Variants in RAPGEF1 observed in about 807,000 individuals in gnomAD.
The protein encoded by RAPGEF1 is CRK SH3-binding GNRP.
Under a neutral mutation model 143.3 loss-of-function variants are expected in RAPGEF1, and 33 were observed. That is an observed-to-expected ratio of 0.23 (90% CI 0.17 to 0.31). The LOEUF is 0.31. RAPGEF1 is among the 10% of genes least tolerant of loss of function. RAPGEF1 has a pLI of 1.00. For missense variants in RAPGEF1, 1,199 were observed against 1,645.4 expected, an observed-to-expected ratio of 0.73 and a Z score of 4.69; for synonymous variants, 629 against 676.5, an observed-to-expected ratio of 0.93 and a Z score of 1.09.
At chr9:131,648,272 T>C (rs961809314) in intron 3 of RAPGEF1, among the ~76,000 whole-genome samples, 4 of 152,130 alleles carry the variant, frequency 2.6e-5, no homozygotes, top group African/African-American at 9.7e-5. Flanking sequence ...ACGCCTGTAG[T>C]CCCAGCTACT....
intron 1 of RAPGEF1, among the ~76,000 whole-genome samples, chr9:131,701,862 C>A (rs528881535): frequency 6.6e-6 from 1 of 152,204 alleles, no homozygotes; most frequent in Non-Finnish European, 1.5e-5. Flanking sequence ...TTACTCTTCT[C>A]TTCTAGCTCA....
chr9:131,624,030 A>G (rs1672855197), intron 10 of RAPGEF1, among the ~76,000 whole-genome samples: 1 of 152,166 alleles, frequency 6.6e-6, no homozygotes, highest in Admixed American at 6.5e-5. Flanking sequence ...TACGGAGAAG[A>G]CCAACCCCTG....
intron 1 of RAPGEF1, among the ~76,000 whole-genome samples, chr9:131,684,588 T>C (rs1833179155): frequency 6.6e-6 from 1 of 152,224 alleles, no homozygotes; most frequent in Admixed American, 6.5e-5. Context: ...TTATTAACTT[T>C]AAATTTTTTG....
At chr9:131,643,131 C>T in intron 4 of RAPGEF1, 108 bp downstream of exon 4, 1 of 1,275,556 alleles carries the variant, frequency 7.8e-7, no homozygotes, top group East Asian at 2.5e-5. Context: ...GTGATGGAGT[C>T]CTTTTCCTGA....
At chr9:131,602,588 A>C (rs1156860944) in intron 14 of RAPGEF1, among the ~76,000 whole-genome samples, 2 of 152,186 alleles carry the variant, frequency 1.3e-5, no homozygotes, top group Admixed American at 6.5e-5. Flanking sequence ...CACAGCTCAT[A>C]AACAGCAGAG....
chr9:131,646,290 T>C (rs1214694094), intron 3 of RAPGEF1, among the ~76,000 whole-genome samples: 1 of 152,192 alleles, frequency 6.6e-6, no homozygotes, highest in Non-Finnish European at 1.5e-5. Flanking sequence ...GAATTTGAAC[T>C]TGGTCTGTCT....
rs910662103 is a variant in RAPGEF1 at position 131,667,091 on chromosome 9, G to C, written c.62-16142C>G. ...TGCCATCTCCATCTCACGGGTTCAA[G>C]TGATTCTCCTGCCTTGGCCTCCCTA... is the stretch of plus-strand genomic sequence containing the variant. On this transcript the variant is annotated intron_variant, in intron 1 of 26. Transcript: ENST00000683357. The surrounding 1 kb of genome is among the most constrained non-coding windows in gnomAD (Gnocchi z 4.6). Among the ~76,000 whole-genome samples, 1 of 152,192 alleles carries C rather than the reference G, an allele frequency of 6.6e-6. No homozygotes were observed. The highest frequency in any genetic ancestry group is 1.5e-5 in the Non-Finnish European group (1 of 68,042).
intron 1 of RAPGEF1, among the ~76,000 whole-genome samples, chr9:131,671,076 G>C (rs915910567): frequency 6.6e-6 from 1 of 152,142 alleles, no homozygotes; most frequent in African/African-American, 2.4e-5. Context: ...CACACTGTCC[G>C]GGGAATGCCC....
At chr9:131,586,859 CA>C (rs1953061372) in intron 22 of RAPGEF1, among the ~76,000 whole-genome samples, 1 of 120,884 alleles carries the variant, frequency 8.3e-6, no homozygotes. Context: ...CACACACACA[CA>C]CACACCTGCA....
Position 131,739,962 on chromosome 9 carries a change from C to G in RAPGEF1, c.-132G>C, listed in dbSNP as rs1837646475. 1 of 405,666 alleles carries G rather than the reference C, an allele frequency of 2.5e-6. No homozygotes were observed. Among genetic ancestry groups the G allele is most frequent in the Non-Finnish European group, 3.3e-6 (1 of 303,722 alleles). 25.1% of individuals were successfully genotyped at this position (405,666 alleles called of 1,614,324 possible). A position where few individuals can be genotyped will look rare whatever the true frequency, so the allele number is the denominator to read the frequency against. On this transcript the variant is annotated 5_prime_UTR_variant, in exon 1 of 27. Coordinates refer to ENST00000683357, the MANE Select transcript of RAPGEF1 (RefSeq NM_001377935.1). ...GCGGCCGCGGCCCTGCGCTCGGCGACCGCGCTCCAGCCCGCCCGGGCCCAG... is the reference window on the plus strand; with the variant it reads ...GCGGCCGCGGCCCTGCGCTCGGCGAGCGCGCTCCAGCCCGCCCGGGCCCAG...
chr9:131,656,836 T>C (rs546829658), intron 1 of RAPGEF1, among the ~76,000 whole-genome samples: 19 of 152,342 alleles, frequency 1.2e-4, no homozygotes, highest in African/African-American at 4.6e-4. Flanking sequence ...CTCACAATTC[T>C]TGTCTGCCTT....
At chr9:131,738,706 T>C (rs571467938) in intron 1 of RAPGEF1, among the ~76,000 whole-genome samples, 26 of 152,306 alleles carry the variant, frequency 1.7e-4, no homozygotes, top group Non-Finnish European at 3.4e-4. Context: ...GAGTTAGATA[T>C]ATAGTAAACC....
chr9:131,635,024 G>A (rs1033459763), intron 5 of RAPGEF1, among the ~76,000 whole-genome samples: 35 of 152,202 alleles, frequency 2.3e-4, no homozygotes, highest in African/African-American at 8.4e-4. Flanking sequence ...CAGGCTCCCG[G>A]TGGAAAAGCA....
At chr9:131,608,788 C>A (rs1957530841) in intron 12 of RAPGEF1, among the ~76,000 whole-genome samples, 1 of 152,196 alleles carries the variant, frequency 6.6e-6, no homozygotes, top group South Asian at 2.1e-4. Flanking sequence ...TGCATCAGGG[C>A]TCATGGTCAC....
At chr9:131,630,946 G>GT (rs60449367) in intron 5 of RAPGEF1, among the ~76,000 whole-genome samples, 2,091 of 147,578 alleles carry the variant, frequency 0.014, 54 homozygotes, top group African/African-American at 0.048. Flanking sequence ...GTGCCCATGT[G>GT]TTTTTTTTTT....
intron 12 of RAPGEF1, among the ~76,000 whole-genome samples, chr9:131,615,413 G>A (rs571514960): frequency 2.6e-5 from 4 of 152,282 alleles, no homozygotes; most frequent in Admixed American, 2.0e-4. Context: ...CTGCAGCACC[G>A]GCAGGGCACA....
intron 1 of RAPGEF1, among the ~76,000 whole-genome samples, chr9:131,714,625 T>C (rs760836388): frequency 1.3e-5 from 2 of 151,722 alleles, no homozygotes; most frequent in South Asian, 4.2e-4. Flanking sequence ...ATGACCAGCC[T>C]GGAGGTCAGG....
intron 4 of RAPGEF1, among the ~76,000 whole-genome samples, chr9:131,640,100 T>C (rs1171328010): frequency 6.6e-6 from 1 of 152,246 alleles, no homozygotes; most frequent in Non-Finnish European, 1.5e-5. Context: ...AAAGTATTTG[T>C]TGTTGGAACT....
At chr9:131,692,816 G>T (rs1437348371) in intron 1 of RAPGEF1, among the ~76,000 whole-genome samples, 1 of 152,174 alleles carries the variant, frequency 6.6e-6, no homozygotes, top group Admixed American at 6.5e-5. Flanking sequence ...TCATGGGATG[G>T]TAGGTAACAG....
Sources: gnomAD v4.1 joint callset for allele counts (sites outside exome capture counted in the v4.1 genomes callset) on GRCh38, gnomAD v4.1.1 for gene constraint, Gnocchi (gnomAD v3.1) non-coding constraint, MANE v1.5 for transcripts, NCBI Gene and HGNC (gene_info 2026-07-23, HGNC 2026-07-21) for gene names.